The following EVL variants were observed in gnomAD, a reference collection of about 807,000 sequenced individuals.
EVL encodes the protein Enah/Vasp-like, also known as ena/VASP-like protein.
In EVL, 21 loss-of-function variants were observed where a neutral mutation model predicts 59.6. The observed-to-expected ratio is 0.35, with a 90% CI of 0.25 to 0.51. The LOEUF (loss-of-function observed/expected upper bound fraction) is 0.51, where lower values mean the gene tolerates loss of function less well. Ranked by LOEUF, EVL falls within the 20% of genes least tolerant of loss-of-function variation. The pLI is 0.97. For missense variants in EVL, 462 were observed against 546.6 expected (o/e 0.85, Z 1.54); for synonymous variants, 198 against 203.5 (o/e 0.97, Z 0.23).
At chr14:100,048,360 T>C (rs2061589497) in intron 1 of EVL, among the ~76,000 whole-genome samples, 1 of 152,178 alleles carries the variant, frequency 6.6e-6, no homozygotes, top group African/African-American at 2.4e-5. Flanking sequence ...CCAAAGAGGA[T>C]ATACAGATGG....
intron 3 of EVL, 139 bp downstream of exon 3, chr14:100,097,797 C>A: frequency 1.4e-6 from 1 of 700,738 alleles, no homozygotes; most frequent in East Asian, 2.8e-5. Context: ...GAGAAACCTG[C>A]TGCCTGCCTT....
At chr14:100,120,281 G>A (rs1887613197) in intron 3 of EVL, among the ~76,000 whole-genome samples, 1 of 152,140 alleles carries the variant, frequency 6.6e-6, no homozygotes, top group African/African-American at 2.4e-5. Flanking sequence ...AAGGGTGAGT[G>A]AGCTTGAGCC....
intron 3 of EVL, among the ~76,000 whole-genome samples, chr14:100,118,234 G>T (rs933634882): frequency 6.6e-6 from 1 of 152,194 alleles, no homozygotes; most frequent in Non-Finnish European, 1.5e-5. Context: ...GAGGGGAGGA[G>T]TGTCACCTGC....
intron 1 of EVL, among the ~76,000 whole-genome samples, chr14:100,043,638 G>A (rs1472624185): frequency 6.7e-6 from 1 of 149,338 alleles, no homozygotes; most frequent in Non-Finnish European, 1.5e-5. Flanking sequence ...TTAGAGACAG[G>A]GTCTCACTCT....
At chr14:100,018,265 C>T (rs978687011) in intron 1 of EVL, among the ~76,000 whole-genome samples, 30 of 152,280 alleles carry the variant, frequency 2.0e-4, no homozygotes, top group African/African-American at 6.5e-4. Context: ...ACGTGGGCAG[C>T]GGCTCACATT....
chr14:100,079,441 C>T (rs963200118), intron 1 of EVL, among the ~76,000 whole-genome samples: 2 of 152,180 alleles, frequency 1.3e-5, no homozygotes, highest in African/African-American at 4.8e-5. Flanking sequence ...ACAGTTCCTG[C>T]CTTCAAGGAG....
intron 1 of EVL, among the ~76,000 whole-genome samples, chr14:100,006,008 TTCCC>T (rs1423383338): frequency 3.8e-5 from 2 of 52,596 alleles, no homozygotes; most frequent in African/African-American, 1.1e-4. Flanking sequence ...TGCTGGCCAT[TTCCC>T]CCCCCCCCCC....
At chr14:100,112,127 C>T (rs902726686) in intron 3 of EVL, among the ~76,000 whole-genome samples, 2 of 152,182 alleles carry the variant, frequency 1.3e-5, no homozygotes, top group Admixed American at 1.3e-4. Flanking sequence ...CAAGTAGCCT[C>T]CTGCCAGCTT....
At chr14:100,042,081 CTACTG>C (rs1824718950) in intron 1 of EVL, among the ~76,000 whole-genome samples, 1 of 152,172 alleles carries the variant, frequency 6.6e-6, no homozygotes, top group Non-Finnish European at 1.5e-5. Context: ...TGTGTTTAAA[CTACTG>C]TATCCATAAT....
At position 100,109,693 on chromosome 14, in the gene EVL, AG is replaced by A; in HGVS notation, c.358+12038del. On this transcript the variant is annotated intron_variant, in intron 3 of 13. Coordinates refer to ENST00000392920, the MANE Select transcript of EVL (RefSeq NM_016337.3). This position sits in a 1 kb window ranked among gnomAD's most constrained non-coding sequence, Gnocchi z 4.3. ...AGGTGAGGGGTGCTATCTGTGATTG[AG>A]GGACATGGTTAATGGAATTGTCTCA... The A allele has an allele frequency of 1.9e-6, 1 of 532,596 alleles. No individual in the cohort carries two copies. The highest frequency in any genetic ancestry group is 1.4e-5 in the South Asian group (1 of 70,748). 33.0% of individuals were successfully genotyped at this position (532,596 alleles called of 1,614,324 possible). A position where few individuals can be genotyped will look rare whatever the true frequency, so the allele number is the denominator to read the frequency against.
intron 3 of EVL, among the ~76,000 whole-genome samples, chr14:100,120,108 G>A (rs541814657): frequency 2.0e-5 from 3 of 152,306 alleles, no homozygotes; most frequent in Admixed American, 2.0e-4. Flanking sequence ...GTCAGCAGAG[G>A]GTACCTGGTG....
In EVL at chr14:100,065,518, A is replaced by G; in HGVS notation, c.11+7A>G. The G allele has an allele frequency of 1.3e-6, 2 of 1,519,882 alleles. No individual in the cohort carries two copies. Among genetic ancestry groups the G allele is most frequent in the South Asian group, 1.3e-5 (1 of 79,344 alleles). The allele number at this position is 1,519,882 out of a possible 1,614,324, so 94.1% of individuals were successfully genotyped here. A position where few individuals can be genotyped will look rare whatever the true frequency, so the allele number is the denominator to read the frequency against. ...TTTCAGCCATGGCCACAAGGTGAGT[A>G]TTGGAACCAGTGCAGGGGACAGAGG... On this transcript the variant is annotated splice_region_variant and intron_variant, in intron 1 of 13. Transcript: ENST00000392920.
intron 3 of EVL, among the ~76,000 whole-genome samples, chr14:100,105,325 A>T (rs1886494662): frequency 6.6e-6 from 1 of 152,050 alleles, no homozygotes. Flanking sequence ...TTTGAATCTC[A>T]GCAACCCTCT....
At position 100,129,704 on chromosome 14, in the gene EVL, G is replaced by A. The variant is rs200011657; in HGVS notation, c.839+20G>A. The A allele has an allele frequency of 2.6e-5, 40 of 1,536,554 alleles. No homozygotes were observed. Among genetic ancestry groups the A allele is most frequent in the Middle Eastern group, 3.6e-4 (2 of 5,498 alleles). On this transcript the variant is annotated intron_variant, in intron 7 of 13. Coordinates refer to ENST00000392920, the MANE Select transcript of EVL (RefSeq NM_016337.3). The stretch of plus-strand genomic sequence containing the variant: ...CAAGAGGTGGGTCTCTACACCTCCC[G>A]AGACTTGGTGTGCCTAGCAGGAAGC...
At chr14:100,042,574 A>G (rs973120395) in intron 1 of EVL, among the ~76,000 whole-genome samples, 3 of 152,158 alleles carry the variant, frequency 2.0e-5, no homozygotes, top group African/African-American at 7.2e-5. Flanking sequence ...CAGGGTGAGC[A>G]TGCCGTGAGG....
chr14:99,987,202 CTATGGTCTAAAAGTT>C lies in EVL; in HGVS notation c.5+15147_5+15161del, dbSNP rs562086915. Among the ~76,000 whole-genome samples the C allele has an allele frequency of 1.1e-3, 172 of 152,110 alleles. 1 individual carries two copies. The highest frequency in any genetic ancestry group is 6.8e-3 in the Middle Eastern group (2 of 294). On this transcript the variant is annotated intron_variant, in intron 1 of 13. Transcript: ENST00000402714. ...ATATATAAAGAACTCTTATATTTTG[CTATGGTCTAAAAGTT>C]TGTGTGCTCCCAAAATTCATATGTT...
chr14:100,043,798 A>C (rs750696363), intron 1 of EVL, among the ~76,000 whole-genome samples: 2 of 151,366 alleles, frequency 1.3e-5, no homozygotes, highest in Non-Finnish European at 2.9e-5. Flanking sequence ...TTTTTTTGTA[A>C]AGATAGAGTC....
chr14:100,096,055 T>C (rs910776777), intron 2 of EVL, among the ~76,000 whole-genome samples: 8 of 152,116 alleles, frequency 5.3e-5, no homozygotes, highest in African/African-American at 1.7e-4. Context: ...GCTGATTTAG[T>C]GTACTGTGTG....
Position 100,003,872 on chromosome 14 carries a change from A to G in EVL, c.5+31815A>G, listed in dbSNP as rs2060961791. Among the ~76,000 whole-genome samples, 6 of 152,360 alleles carry G rather than the reference A, an allele frequency of 3.9e-5. No individual in the cohort carries two copies. In the South Asian group the frequency reaches 1.2e-3, roughly 32 times the overall value. ...AAAGAAGAGACCTTCTGCAGTGCAC[A>G]GATTATATTGGAAGAAAACATTCCT... On this transcript the variant is annotated intron_variant, in intron 1 of 13. Coordinates refer to the EVL transcript ENST00000402714.
Sources: allele counts gnomAD v4.1 joint callset (sites outside exome capture counted in the v4.1 genomes callset), GRCh38; gene constraint gnomAD v4.1.1; non-coding constraint Gnocchi (gnomAD v3.1); transcripts MANE v1.5; gene names NCBI Gene and HGNC (gene_info 2026-07-23, HGNC 2026-07-21).